Variants in AGPAT5 observed in about 807,000 individuals in gnomAD.
AGPAT5 encodes 1-acyl-sn-glycerol-3-phosphate acyltransferase epsilon.
In AGPAT5, 46 loss-of-function variants were observed where a neutral mutation model predicts 45.6. That is an observed-to-expected ratio of 1.01 (90% CI 0.80 to 1.29). AGPAT5 has a LOEUF of 1.29. Ranked by LOEUF, AGPAT5 falls within the 50% of genes most tolerant of loss-of-function variation. AGPAT5 has a pLI of 0.00. For missense variants in AGPAT5, 673 were observed against 450.7 expected, an observed-to-expected ratio of 1.49 and a Z score of -4.47; for synonymous variants, 272 against 167.0, an observed-to-expected ratio of 1.63 and a Z score of -4.85.
chr8:6,756,548 G>T (rs1801841362), intron 7 of AGPAT5, among the ~76,000 whole-genome samples: 1 of 150,922 alleles, frequency 6.6e-6, no homozygotes, highest in Admixed American at 6.6e-5. Context: ...AGCCTGGAAG[G>T]TTGAGACTGC....
rs757189271 is a variant in AGPAT5, at chr8:6,724,891, C to T, written c.241C>T (p.Pro81Ser). Reference protein sequence around the residue: ...GVQILLYGDLPKNKENIIYLA... With the variant: ...GVQILLYGDLSKNKENIIYLA... ...TTAGATATTGCTATATGGAGATTTG[C>T]CAAAAAATAAAGAAAATATAATATA... is the stretch of plus-strand genomic sequence containing the variant. Residue 81 changes from proline (P) to serine (S), a missense_variant, in exon 2 of 8, where the codon CCA becomes TCA. Coordinates refer to ENST00000285518, the MANE Select transcript of AGPAT5 (RefSeq NM_018361.5). 1 of 1,134,082 alleles carries T rather than the reference C, an allele frequency of 8.8e-7. No individual in the cohort carries two copies. Among genetic ancestry groups the T allele is most frequent in the Non-Finnish European group, 1.2e-6 (1 of 855,352 alleles). 70.3% of individuals were successfully genotyped at this position (1,134,082 alleles called of 1,614,324 possible). A position where few individuals can be genotyped will look rare whatever the true frequency, so the allele number is the denominator to read the frequency against.
At chr8:6,718,621 G>A (rs1462990007) in intron 1 of AGPAT5, among the ~76,000 whole-genome samples, 1 of 152,204 alleles carries the variant, frequency 6.6e-6, no homozygotes, top group Non-Finnish European at 1.5e-5. Context: ...ACAGGCGGCT[G>A]ATGATTCCAT....
chr8:6,709,021 C>T, intron 1 of AGPAT5, 134 bp downstream of exon 1: 3 of 834,592 alleles, frequency 3.6e-6, no homozygotes, highest in African/African-American at 1.7e-5. Context: ...CGTGCCGCCT[C>T]CCCGCCTTCC....
chr8:6,731,218 T>C (rs575753379), intron 3 of AGPAT5, among the ~76,000 whole-genome samples: 22 of 152,342 alleles, frequency 1.4e-4, no homozygotes, highest in African/African-American at 4.6e-4. Flanking sequence ...TGTATGGTTT[T>C]TAAAATGGGT....
intron 4 of AGPAT5, among the ~76,000 whole-genome samples, chr8:6,735,393 G>A (rs1484532130): frequency 6.6e-6 from 1 of 152,204 alleles, no homozygotes; most frequent in Non-Finnish European, 1.5e-5. Context: ...TGAGTACACA[G>A]GAGGTCTGTG....
Position 6,712,627 on chromosome 8 carries a change from T to C in AGPAT5, c.219+3740T>C, listed in dbSNP as rs565316959. 2.0e-5 allele frequency among the ~76,000 whole-genome samples: 3 copies of C among 152,288 alleles called. No homozygotes were observed. In the East Asian group the frequency reaches 5.8e-4, roughly 29 times the overall value. On this transcript the variant is annotated intron_variant, in intron 1 of 7. Coordinates refer to ENST00000285518, the MANE Select transcript of AGPAT5 (RefSeq NM_018361.5). Reference sequence around the variant, plus strand: ...GAAATTAAAAGGAAAGTTGGAGTACTGACAGAGGATTGGGTAGGACTCATG... The same window carrying C: ...GAAATTAAAAGGAAAGTTGGAGTACCGACAGAGGATTGGGTAGGACTCATG...
At chr8:6,718,360 C>T (rs1016665274) in intron 1 of AGPAT5, among the ~76,000 whole-genome samples, 5 of 152,152 alleles carry the variant, frequency 3.3e-5, no homozygotes, top group African/African-American at 4.8e-5. Flanking sequence ...GCTGAGAGGA[C>T]GCAGCTGTGA....
intron 1 of AGPAT5, among the ~76,000 whole-genome samples, chr8:6,717,163 T>G (rs1000663637): frequency 5.3e-5 from 8 of 152,228 alleles, no homozygotes; most frequent in Admixed American, 3.9e-4. Flanking sequence ...TCAAAACCAG[T>G]ACTTTTTGTA....
At chr8:6,727,076 G>T (rs1385704819) in intron 2 of AGPAT5, among the ~76,000 whole-genome samples, 1 of 152,078 alleles carries the variant, frequency 6.6e-6, no homozygotes, top group Non-Finnish European at 1.5e-5. Flanking sequence ...CTTTTGAGAT[G>T]TTAGGAATCA....
chr8:6,754,996 A>G lies in AGPAT5; in HGVS notation c.746-55A>G, dbSNP rs971675691. 92 of 1,398,766 alleles carry G rather than the reference A, an allele frequency of 6.6e-5. No homozygotes were observed. In the African/African-American group the frequency reaches 1.2e-3, roughly 19 times the overall value. 86.6% of individuals were successfully genotyped at this position (1,398,766 alleles called of 1,614,324 possible). On this transcript the variant is annotated intron_variant, in intron 6 of 7. Transcript: ENST00000285518. ...TACCTTATTTTCATTTTTACTTTAT[A>G]TGACCATGAGTTCTAAAATAGTAAA...
Position 6,757,537 on chromosome 8 carries a change from T to C in AGPAT5, c.*149T>C, listed in dbSNP as rs1345016617. On this transcript the variant is annotated 3_prime_UTR_variant, in exon 8 of 8. Coordinates refer to ENST00000285518, the MANE Select transcript of AGPAT5 (RefSeq NM_018361.5). ...GGATAATAGAATTTGTGACGAAAGC[T>C]GATATGCAATGGTCTTGGGCAAACA... 7 of 654,954 alleles carry C rather than the reference T, an allele frequency of 1.1e-5. No homozygotes were observed. Among genetic ancestry groups the C allele is most frequent in the Non-Finnish European group, 1.8e-5 (7 of 385,304 alleles). The allele number at this position is 654,954 out of a possible 1,614,324, so 40.6% of individuals were successfully genotyped here. A position where few individuals can be genotyped will look rare whatever the true frequency, so the allele number is the denominator to read the frequency against.
At chr8:6,715,437 G>C (rs1427652713) in intron 1 of AGPAT5, among the ~76,000 whole-genome samples, 1 of 152,212 alleles carries the variant, frequency 6.6e-6, no homozygotes. Flanking sequence ...GGAGGAAAAA[G>C]AAGAGGGTGG....
At chr8:6,741,538 A>G (rs774282294) in intron 4 of AGPAT5, 123 bp from the exon 5 acceptor site, 12 of 607,152 alleles carry the variant, frequency 2.0e-5, no homozygotes, top group Non-Finnish European at 3.1e-5. Flanking sequence ...ATGTAAATAA[A>G]TATACATTTT....
At chr8:6,712,732 T>C (rs1800194253) in intron 1 of AGPAT5, among the ~76,000 whole-genome samples, 1 of 152,214 alleles carries the variant, frequency 6.6e-6, no homozygotes, top group African/African-American at 2.4e-5. Context: ...TAGCCTAGAA[T>C]TCTATCCTAG....
chr8:6,729,709 C>G (rs2116893834), intron 2 of AGPAT5, among the ~76,000 whole-genome samples: 1 of 152,354 alleles, frequency 6.6e-6, no homozygotes, highest in African/African-American at 2.4e-5. Context: ...GCAAGGGCCA[C>G]TCTCTGTGTT....
At chr8:6,726,706 C>G (rs1295671036) in intron 2 of AGPAT5, among the ~76,000 whole-genome samples, 1 of 152,330 alleles carries the variant, frequency 6.6e-6, no homozygotes, top group African/African-American at 2.4e-5. Context: ...TCTTCATACT[C>G]AGACCATACT....
At chr8:6,724,284 C>G (rs1800608308) in intron 1 of AGPAT5, among the ~76,000 whole-genome samples, 1 of 152,164 alleles carries the variant, frequency 6.6e-6, no homozygotes, top group African/African-American at 2.4e-5. Context: ...GCCCATGTTC[C>G]CAACAGGCCT....
At chr8:6,741,128 T>G (rs1356128168) in intron 4 of AGPAT5, among the ~76,000 whole-genome samples, 1 of 152,118 alleles carries the variant, frequency 6.6e-6, no homozygotes, top group Admixed American at 6.6e-5. Context: ...TAAATAAAAT[T>G]TAAAATGCAC....
intron 2 of AGPAT5, among the ~76,000 whole-genome samples, chr8:6,725,397 G>T (rs1465030331): frequency 1.6e-4 from 24 of 152,182 alleles, no homozygotes; most frequent in Admixed American, 1.5e-3. Context: ...CTTCAAATGG[G>T]TTTGGTTTAA....
Sources: gnomAD v4.1 joint callset for allele counts (sites outside exome capture counted in the v4.1 genomes callset) on GRCh38, gnomAD v4.1.1 for gene constraint, MANE v1.5 for transcripts, NCBI Gene and HGNC (gene_info 2026-07-23, HGNC 2026-07-21) for gene names.